Variants in BNC2 observed in about 807,000 individuals in gnomAD.
The protein encoded by BNC2 is zinc finger protein basonuclin-2.
Under a neutral mutation model 76.3 loss-of-function variants are expected in BNC2, and 20 were observed. The observed-to-expected ratio is 0.26, with a 90% CI of 0.18 to 0.38. The LOEUF (loss-of-function observed/expected upper bound fraction) is 0.38. Ranked by LOEUF, BNC2 falls within the 10% of genes least tolerant of loss-of-function variation. The probability of loss-of-function intolerance (pLI) is 1.00; values close to 1 mark genes in which losing one functional copy is unlikely to be tolerated. For missense variants in BNC2, 1,382 were observed against 1,399.8 expected, an observed-to-expected ratio of 0.99 and a Z score of 0.20; for synonymous variants, 582 against 514.8, an observed-to-expected ratio of 1.13 and a Z score of -1.77.
At chr9:16,511,669 T>TC (rs1822759848) in intron 5 of BNC2, among the ~76,000 whole-genome samples, 1 of 152,076 alleles carries the variant, frequency 6.6e-6, no homozygotes, top group African/African-American at 2.4e-5. Context: ...GCTCAAGGAA[T>TC]CCATGGGCCT....
chr9:16,673,013 G>A (rs984461687), intron 3 of BNC2, among the ~76,000 whole-genome samples: 4 of 152,142 alleles, frequency 2.6e-5, no homozygotes, highest in African/African-American at 9.7e-5. Context: ...ATTTTCCTAC[G>A]AGCTGGAATC....
intron 2 of BNC2, among the ~76,000 whole-genome samples, chr9:16,729,834 C>T (rs923969489): frequency 1.3e-5 from 2 of 152,130 alleles, no homozygotes; most frequent in East Asian, 1.9e-4. Flanking sequence ...AGTCAAGCTG[C>T]CTGCTCAGCT....
intron 5 of BNC2, among the ~76,000 whole-genome samples, chr9:16,478,813 T>C (rs1450074694): frequency 1.3e-5 from 2 of 152,168 alleles, no homozygotes; most frequent in Admixed American, 1.3e-4. Flanking sequence ...GAAGTAACTA[T>C]TTTGTGGCTC....
intron 3 of BNC2, among the ~76,000 whole-genome samples, chr9:16,709,239 C>A (rs1191279477): frequency 6.6e-6 from 1 of 152,128 alleles, no homozygotes; most frequent in East Asian, 1.9e-4. Context: ...ACTAAAGCAA[C>A]CAAAGAAAAG....
At chr9:16,789,478 A>G (rs1817441081) in intron 1 of BNC2, among the ~76,000 whole-genome samples, 1 of 152,114 alleles carries the variant, frequency 6.6e-6, no homozygotes, top group Non-Finnish European at 1.5e-5. Context: ...ACACTTCAAC[A>G]ACACTCAACT....
At chr9:16,752,527 T>C (rs974322074) in intron 1 of BNC2, among the ~76,000 whole-genome samples, 1 of 152,216 alleles carries the variant, frequency 6.6e-6, no homozygotes, top group Non-Finnish European at 1.5e-5. Context: ...ATCTTAGAAG[T>C]AAAATTCTTA....
intron 1 of BNC2, chr9:16,832,373 C>A: frequency 8.4e-7 from 1 of 1,185,216 alleles, no homozygotes; most frequent in Non-Finnish European, 1.1e-6. Context: ...ACAGAGAACA[C>A]AATATGTTTT....
chr9:16,660,324 C>G (rs1174926138), intron 3 of BNC2, among the ~76,000 whole-genome samples: 1 of 152,150 alleles, frequency 6.6e-6, no homozygotes, highest in Non-Finnish European at 1.5e-5. Context: ...CGTGGTGGCA[C>G]ACGCCTGTAA....
intron 1 of BNC2, among the ~76,000 whole-genome samples, chr9:16,777,848 T>C (rs1232214800): frequency 1.3e-5 from 2 of 152,152 alleles, no homozygotes; most frequent in Admixed American, 6.6e-5. Context: ...ACAATAAGTA[T>C]GGTACTCCCA....
chr9:16,853,638 G>T (rs1819183155), intron 1 of BNC2, among the ~76,000 whole-genome samples: 1 of 151,632 alleles, frequency 6.6e-6, no homozygotes, highest in Non-Finnish European at 1.5e-5. Context: ...AGGCTGAGAT[G>T]GGTCAATCTC....
chr9:16,853,858 ACT>A (rs1166482060), intron 1 of BNC2, among the ~76,000 whole-genome samples: 2 of 152,224 alleles, frequency 1.3e-5, no homozygotes, highest in Admixed American at 6.5e-5. Flanking sequence ...ATAGAGGGAG[ACT>A]CTGTCTCAAA....
intron 1 of BNC2, among the ~76,000 whole-genome samples, chr9:16,777,025 T>C (rs1405360767): frequency 2.0e-5 from 3 of 151,276 alleles, no homozygotes; most frequent in Non-Finnish European, 4.4e-5. Flanking sequence ...ACTCAGTAGG[T>C]TGAGGCAAGA....
chr9:16,497,649 G>A (rs1822417894), intron 5 of BNC2, among the ~76,000 whole-genome samples: 1 of 152,060 alleles, frequency 6.6e-6, no homozygotes, highest in Non-Finnish European at 1.5e-5. Context: ...TCGCTCTAAA[G>A]AAAATACGTA....
At chr9:16,525,964 G>C (rs1255083397) in intron 5 of BNC2, among the ~76,000 whole-genome samples, 2 of 151,930 alleles carry the variant, frequency 1.3e-5, no homozygotes, top group Admixed American at 6.6e-5. Context: ...ACAATCAAGA[G>C]TCTATCCTTG....
chr9:16,516,565 T>G (rs1817449998), intron 5 of BNC2, among the ~76,000 whole-genome samples: 1 of 152,162 alleles, frequency 6.6e-6, no homozygotes, highest in Non-Finnish European at 1.5e-5. Flanking sequence ...CAAAGAGTCT[T>G]TATTTCTATC....
At chr9:16,822,692 G>C (rs538077025) in intron 1 of BNC2, among the ~76,000 whole-genome samples, 101 of 152,220 alleles carry the variant, frequency 6.6e-4, no homozygotes, top group African/African-American at 2.4e-3. Flanking sequence ...ATTCACATCA[G>C]ATTTTTTTAA....
At chr9:16,541,315 C>G (rs1157033539) in intron 5 of BNC2, among the ~76,000 whole-genome samples, 6 of 152,314 alleles carry the variant, frequency 3.9e-5, no homozygotes, top group South Asian at 2.1e-4. Context: ...GCCACAGATT[C>G]AACCCGGTTT....
chr9:16,510,129 T>A lies in BNC2; in HGVS notation c.669+42401A>T, dbSNP rs991621857. Among the ~76,000 whole-genome samples the A allele has an allele frequency of 2.6e-5, 4 of 152,234 alleles. 1 individual carries two copies. In the East Asian group the frequency reaches 7.7e-4, roughly 29 times the overall value. ...ATTGCCACGGTCAGGGAGACCTCTG[T>A]TAATCAAGGAAGCGCTAGCCACACA... On this transcript the variant is annotated intron_variant, in intron 5 of 6. Coordinates refer to ENST00000380672, the MANE Select transcript of BNC2 (RefSeq NM_017637.6).
intron 1 of BNC2, among the ~76,000 whole-genome samples, chr9:16,753,637 T>C (rs1053796975): frequency 2.8e-4 from 43 of 152,212 alleles, no homozygotes; most frequent in African/African-American, 5.3e-4. Context: ...AAGTCTTACA[T>C]GTACAGCTGG....
Sources: allele counts gnomAD v4.1 joint callset (sites outside exome capture counted in the v4.1 genomes callset), GRCh38; gene constraint gnomAD v4.1.1; transcripts MANE v1.5; gene names NCBI Gene and HGNC (gene_info 2026-07-23, HGNC 2026-07-21).